FAM135B: variants seen among roughly 807,000 people sequenced by gnomAD.
The protein encoded by FAM135B is family with sequence similarity 135 member B.
Under a neutral mutation model 127.7 loss-of-function variants are expected in FAM135B, and 43 were observed. The observed-to-expected ratio is 0.34, with a 90% CI of 0.26 to 0.43. The LOEUF (loss-of-function observed/expected upper bound fraction) is 0.43, where lower values mean the gene tolerates loss of function less well. Among genes scored for constraint, FAM135B ranks in the 20% least tolerant of loss-of-function variants. FAM135B has a pLI of 1.00. For missense variants in FAM135B, 1,558 were observed against 1,725.6 expected (o/e 0.90, Z 1.72); for synonymous variants, 670 against 665.1 (o/e 1.01, Z -0.11).
intron 1 of FAM135B, among the ~76,000 whole-genome samples, chr8:138,387,148 G>A (rs1832268301): frequency 3.3e-5 from 5 of 152,192 alleles, no homozygotes; most frequent in Non-Finnish European, 7.3e-5. Flanking sequence ...ATGGCAAACA[G>A]TTCACTAAAT....
At chr8:138,185,101 G>A (rs1169081805) in intron 9 of FAM135B, among the ~76,000 whole-genome samples, 2 of 152,130 alleles carry the variant, frequency 1.3e-5, no homozygotes, top group African/African-American at 4.8e-5. Flanking sequence ...CTGACCTGCG[G>A]GACAGGGAAA....
At chr8:138,156,053 A>T (rs571543954) in intron 12 of FAM135B, among the ~76,000 whole-genome samples, 83 of 152,250 alleles carry the variant, frequency 5.5e-4, no homozygotes, top group African/African-American at 2.0e-3. Context: ...GAAGTAAAGC[A>T]CTCCTCAGCA....
intron 7 of FAM135B, among the ~76,000 whole-genome samples, chr8:138,202,378 T>A (rs1817209017): frequency 6.6e-6 from 1 of 152,038 alleles, no homozygotes; most frequent in South Asian, 2.1e-4. Context: ...GTCTCCTGAG[T>A]AGCTGGGACT....
chr8:138,225,896 A>G (rs925532023), intron 7 of FAM135B, among the ~76,000 whole-genome samples: 3 of 152,110 alleles, frequency 2.0e-5, no homozygotes, highest in Non-Finnish European at 4.4e-5. Flanking sequence ...GGAGATCTGT[A>G]TACTATGCCC....
chr8:138,248,836 AC>A (rs1157889408), intron 6 of FAM135B, among the ~76,000 whole-genome samples: 3 of 151,464 alleles, frequency 2.0e-5, no homozygotes, highest in African/African-American at 7.3e-5. Context: ...AAAAAAAAAA[AC>A]AATAAAAGTA....
intron 7 of FAM135B, among the ~76,000 whole-genome samples, chr8:138,204,495 A>AGAGT (rs1435225334): frequency 6.6e-6 from 1 of 152,236 alleles, no homozygotes; most frequent in African/African-American, 2.4e-5. Context: ...ACACAGAGAA[A>AGAGT]GAGTGAATGA....
intron 1 of FAM135B, among the ~76,000 whole-genome samples, chr8:138,462,719 A>C (rs997848372): frequency 6.6e-6 from 1 of 152,194 alleles, no homozygotes; most frequent in African/African-American, 2.4e-5. Flanking sequence ...TAATATAACA[A>C]AGAAAATGCT....
intron 1 of FAM135B, among the ~76,000 whole-genome samples, chr8:138,443,381 T>C (rs189459774): frequency 3.7e-4 from 56 of 152,270 alleles, no homozygotes; most frequent in African/African-American, 1.3e-3. Flanking sequence ...AAATATGATC[T>C]GAACTCTTGA....
chr8:138,337,648 A>C (rs2131034370), intron 2 of FAM135B, among the ~76,000 whole-genome samples: 1 of 152,314 alleles, frequency 6.6e-6, no homozygotes, highest in Non-Finnish European at 1.5e-5. Flanking sequence ...GCTCATGGGT[A>C]GGAAGAATCA....
chr8:138,165,789 A>G (rs991572171), intron 12 of FAM135B, among the ~76,000 whole-genome samples: 1 of 152,164 alleles, frequency 6.6e-6, no homozygotes, highest in South Asian at 2.1e-4. Context: ...CATGTTTTAA[A>G]CTTGTTTTGA....
chr8:138,189,134 G>A (rs1433038816), intron 9 of FAM135B, among the ~76,000 whole-genome samples: 1 of 152,190 alleles, frequency 6.6e-6, no homozygotes, highest in Non-Finnish European at 1.5e-5. Flanking sequence ...GAAGCAGCTG[G>A]ATGCCTCCCC....
intron 9 of FAM135B, among the ~76,000 whole-genome samples, chr8:138,186,646 C>T (rs920322749): frequency 5.3e-5 from 8 of 152,174 alleles, no homozygotes; most frequent in Non-Finnish European, 8.8e-5. Context: ...CAGCCACATC[C>T]GTGCAGCAGT....
At chr8:138,419,909 A>ATGTTAGGTTGTT (rs1834388117) in intron 1 of FAM135B, among the ~76,000 whole-genome samples, 1 of 152,170 alleles carries the variant, frequency 6.6e-6, no homozygotes, top group South Asian at 2.1e-4. Flanking sequence ...TCAAATTAAC[A>ATGTTAGGTTGTT]ACCTAACATC....
chr8:138,376,577 T>C lies in FAM135B; in HGVS notation c.-19-8575A>G, dbSNP rs576318158. Among the ~76,000 whole-genome samples the C allele has an allele frequency of 2.2e-4, 33 of 152,328 alleles. No individual in the cohort carries two copies. In the South Asian group the frequency reaches 5.2e-3, roughly 24 times the overall value. Reference sequence around the variant, plus strand: ...ATTGTATACTCCATCAACTTCTTACTTCTCCAGGCACAATGCTTTATCCTC... The same window carrying C: ...ATTGTATACTCCATCAACTTCTTACCTCTCCAGGCACAATGCTTTATCCTC... On this transcript the variant is annotated intron_variant, in intron 1 of 19. Coordinates refer to ENST00000395297, the MANE Select transcript of FAM135B (RefSeq NM_015912.4).
intron 12 of FAM135B, among the ~76,000 whole-genome samples, chr8:138,160,051 A>T (rs1161740577): frequency 6.6e-6 from 1 of 150,876 alleles, no homozygotes; most frequent in Non-Finnish European, 1.5e-5. Context: ...TTTGGTTACA[A>T]TTAACCCCCG....
Position 138,140,264 on chromosome 8 carries a change from G to A in FAM135B, c.3790+934C>T, listed in dbSNP as rs561258994. Among the ~76,000 whole-genome samples the A allele has an allele frequency of 2.5e-4, 38 of 152,286 alleles. 1 individual carries two copies. The South Asian group carries it at 7.5e-3, about 30-fold the overall frequency. On this transcript the variant is annotated intron_variant, in intron 17 of 19. Coordinates refer to ENST00000395297, the MANE Select transcript of FAM135B (RefSeq NM_015912.4). ...ACTGACCAGGCCATGAGGAAACAAC[G>A]TTAGTGTGGGAGAGGACAGGGGACA...
At chr8:138,219,229 G>A (rs561655052) in intron 7 of FAM135B, among the ~76,000 whole-genome samples, 35 of 152,324 alleles carry the variant, frequency 2.3e-4, no homozygotes, top group African/African-American at 8.4e-4. Flanking sequence ...CGTAACATGG[G>A]AGATAGGAAG....
At chr8:138,287,393 T>C (rs1406305695) in intron 3 of FAM135B, among the ~76,000 whole-genome samples, 1 of 150,858 alleles carries the variant, frequency 6.6e-6, no homozygotes, top group Non-Finnish European at 1.5e-5. Context: ...AATATTTCCA[T>C]AAACTGCTAG....
chr8:138,451,699 T>G (rs1048324163), intron 1 of FAM135B, among the ~76,000 whole-genome samples: 1 of 152,184 alleles, frequency 6.6e-6, no homozygotes, highest in Admixed American at 6.5e-5. Context: ...TGACTCCTCT[T>G]TTGCTTTCAC....
Sources: allele counts gnomAD v4.1 joint callset (sites outside exome capture counted in the v4.1 genomes callset), GRCh38; gene constraint gnomAD v4.1.1; transcripts MANE v1.5; gene names NCBI Gene and HGNC (gene_info 2026-07-23, HGNC 2026-07-21).